SMC6: variants seen among roughly 807,000 people sequenced by gnomAD.
SMC6 encodes structural maintenance of chromosomes 6, also known as structural maintenance of chromosomes protein 6.
SMC6 carries 79 observed loss-of-function variants against 142.2 expected under a neutral mutation model. The ratio of observed to expected loss-of-function variants is 0.56; its 90% CI spans 0.46 to 0.67. The LOEUF (loss-of-function observed/expected upper bound fraction) is 0.67. SMC6 is among the 30% of genes least tolerant of loss of function. SMC6 has a pLI of 0.00. For missense variants in SMC6, 1,072 were observed against 1,284.0 expected (o/e 0.83, Z 2.52); for synonymous variants, 411 against 412.4 (o/e 1.00, Z 0.04).
At chr2:17,699,718 C>A (rs1205557811) in intron 21 of SMC6, among the ~76,000 whole-genome samples, 3 of 151,868 alleles carry the variant, frequency 2.0e-5, no homozygotes, top group African/African-American at 7.3e-5. Flanking sequence ...TGAAAAACTT[C>A]ATGGTCAATT....
chr2:17,714,571 C>A (rs1237320343), intron 16 of SMC6, among the ~76,000 whole-genome samples: 2 of 152,024 alleles, frequency 1.3e-5, no homozygotes, highest in Non-Finnish European at 2.9e-5. Context: ...TTCCTCAGGC[C>A]CCTCCCTCTT....
In SMC6 at chr2:17,670,825, G is replaced by A. The variant is rs1235256983; in HGVS notation, c.2911-250C>T. On this transcript the variant is annotated intron_variant, in intron 25 of 27. Transcript: ENST00000448223. ...TTTTTCACCATAACTGAATCTAACAGACCAAAATTCCAAAGGCTAATTTAA... is the reference window on the plus strand; with the variant it reads ...TTTTTCACCATAACTGAATCTAACAAACCAAAATTCCAAAGGCTAATTTAA... Among the ~76,000 whole-genome samples, 4 of 152,100 alleles carry A rather than the reference G, an allele frequency of 2.6e-5. No individual in the cohort carries two copies. In the East Asian group the frequency reaches 7.7e-4, roughly 29 times the overall value.
intron 23 of SMC6, among the ~76,000 whole-genome samples, chr2:17,694,914 A>C (rs1022998010): frequency 1.3e-5 from 2 of 152,216 alleles, no homozygotes; most frequent in Non-Finnish European, 2.9e-5. Flanking sequence ...TATGAACCTT[A>C]TAGATACACG....
At chr2:17,704,959 A>T (rs577582740) in intron 18 of SMC6, among the ~76,000 whole-genome samples, 1 of 40,770 alleles carries the variant, frequency 2.5e-5, no homozygotes, top group Admixed American at 1.6e-4. Flanking sequence ...AATTTTGCTA[A>T]AAAAAAAAAA....
intron 24 of SMC6, among the ~76,000 whole-genome samples, chr2:17,682,813 C>T (rs1438893592): frequency 1.3e-5 from 2 of 151,718 alleles, no homozygotes; most frequent in Non-Finnish European, 2.9e-5. Flanking sequence ...TACTAATATG[C>T]CTGTAAAACT....
intron 2 of SMC6, among the ~76,000 whole-genome samples, chr2:17,752,586 C>G (rs1671100590): frequency 6.6e-6 from 1 of 152,144 alleles, no homozygotes; most frequent in Non-Finnish European, 1.5e-5. Context: ...GGCCTCCAAA[C>G]GTTTTGTACT....
chr2:17,674,491 T>C (rs188477166), intron 25 of SMC6, among the ~76,000 whole-genome samples: 1 of 152,322 alleles, frequency 6.6e-6, no homozygotes, highest in Non-Finnish European at 1.5e-5. Context: ...GTTCCACATG[T>C]ACTTCAAAAC....
chr2:17,714,262 T>A (rs1441808443), intron 16 of SMC6, among the ~76,000 whole-genome samples: 1 of 151,802 alleles, frequency 6.6e-6, no homozygotes, highest in Non-Finnish European at 1.5e-5. Context: ...AGCCTGGCTA[T>A]TTTTTTGTAT....
intron 2 of SMC6, 90 bp from the exon 3 acceptor site, chr2:17,746,041 T>C (rs901757625): frequency 1.6e-6 from 2 of 1,241,956 alleles, no homozygotes; most frequent in Non-Finnish European, 2.1e-6. Context: ...TAATTAAACT[T>C]TAGGTACTAT....
chr2:17,719,619 A>G (rs1419891334), intron 11 of SMC6, among the ~76,000 whole-genome samples: 1 of 152,202 alleles, frequency 6.6e-6, no homozygotes, highest in Non-Finnish European at 1.5e-5. Context: ...AAAGTATTTA[A>G]GGCCTTACCT....
intron 20 of SMC6, among the ~76,000 whole-genome samples, chr2:17,701,290 T>C (rs1199511914): frequency 2.0e-5 from 3 of 152,064 alleles, no homozygotes; most frequent in African/African-American, 7.2e-5. Context: ...TTAACACAAC[T>C]GTGCCATTTA....
chr2:17,734,535 G>A (rs775831749), intron 5 of SMC6, among the ~76,000 whole-genome samples: 1 of 151,286 alleles, frequency 6.6e-6, no homozygotes, highest in Non-Finnish European at 1.5e-5. Context: ...ATGATTACTT[G>A]GCATTAAGTT....
At chr2:17,701,259 C>G (rs1044021759) in intron 20 of SMC6, among the ~76,000 whole-genome samples, 2 of 151,968 alleles carry the variant, frequency 1.3e-5, no homozygotes, top group African/African-American at 4.8e-5. Flanking sequence ...AGAGCAGACA[C>G]TCGATAAATA....
At chr2:17,688,915 ACTC>A (rs1667578214) in intron 23 of SMC6, among the ~76,000 whole-genome samples, 1 of 151,964 alleles carries the variant, frequency 6.6e-6, no homozygotes, top group Non-Finnish European at 1.5e-5. Context: ...AGAATTGAAA[ACTC>A]CTCATTTTGC....
Position 17,683,734 on chromosome 2 carries a change from A to C in SMC6, c.2708T>G (p.Leu903Arg). The change falls in exon 24 of 28, where the codon CTT (leucine) becomes CGT (arginine). Residue 903 changes from leucine to arginine, a missense_variant. By Grantham distance (102) the Leu-to-Arg change is moderately radical. Around this residue, in one of 3 missense-constraint regions of SMC6, gnomAD observed 994 missense variants for 1,153.2 expected, o/e 0.86. Coordinates refer to ENST00000448223, the MANE Select transcript of SMC6 (RefSeq NM_001142286.2). ...AGTCCTCACTTTACTATCCAGATCA[A>C]GATAGGTCTCTCTTGCTTCTTGGTA... ...RQYQEARETY[L>R]DLDSKVRTLK... The C allele has an allele frequency of 6.2e-7, 1 of 1,611,276 alleles. No individual in the cohort carries two copies. The highest frequency in any genetic ancestry group is 8.5e-7 in the Non-Finnish European group (1 of 1,178,244).
At chr2:17,747,181 C>T (rs1448167688) in intron 2 of SMC6, among the ~76,000 whole-genome samples, 2 of 152,180 alleles carry the variant, frequency 1.3e-5, no homozygotes, top group Non-Finnish European at 1.5e-5. Flanking sequence ...CTTACTCCTT[C>T]TCCTAGTTGG....
intron 10 of SMC6, 28 bp downstream of exon 10, chr2:17,721,114 C>T (rs11897477): frequency 2.9e-5 from 46 of 1,610,354 alleles, no homozygotes; most frequent in South Asian, 2.2e-4. Flanking sequence ...CACATAGATA[C>T]GTGAACAAGT....
intron 16 of SMC6, chr2:17,713,713 G>A (rs1003387242): frequency 3.2e-6 from 1 of 313,424 alleles, no homozygotes; most frequent in Non-Finnish European, 6.7e-6. Context: ...AAATTTTATT[G>A]ATTTTGCCCA....
Position 17,716,928 on chromosome 2 carries a change from G to T in SMC6, c.1182-23C>A, listed in dbSNP as rs566864142. 27 of 1,581,412 alleles carry T rather than the reference G, an allele frequency of 1.7e-5. No individual in the cohort carries two copies. The African/African-American group carries it at 2.6e-4, about 15-fold the overall frequency. ...GTACTAACAGTAAATAACCCAAAGT[G>T]AAAAATGTTAGTTCAATGAACAGCC... On this transcript the variant is annotated intron_variant, in intron 13 of 27. Transcript: ENST00000448223.
Sources: gnomAD v4.1 joint callset for allele counts (sites outside exome capture counted in the v4.1 genomes callset) on GRCh38, gnomAD v4.1.1 for gene constraint, gnomAD v4.1.1 regional missense constraint, MANE v1.5 for transcripts, NCBI Gene and HGNC (gene_info 2026-07-23, HGNC 2026-07-21) for gene names.